PRORP: variants seen among roughly 807,000 people sequenced by gnomAD.
PRORP encodes protein only RNase P catalytic subunit.
Under a neutral mutation model 59.4 loss-of-function variants are expected in PRORP, and 51 were observed. The observed-to-expected ratio is 0.86, with a 90% CI of 0.69 to 1.08. The LOEUF (loss-of-function observed/expected upper bound fraction) is 1.08, where lower values mean the gene tolerates loss of function less well. Ranked by LOEUF, PRORP falls within the 50% of genes least tolerant of loss-of-function variation. The pLI is 0.00. For missense variants in PRORP, 646 were observed against 690.3 expected (o/e 0.94, Z 0.72); for synonymous variants, 231 against 245.6 (o/e 0.94, Z 0.55).
At position 35,133,462 on chromosome 14, in the gene PRORP, A is replaced by G. The variant is rs185503957; in HGVS notation, c.1167+5851A>G. On this transcript the variant is annotated intron_variant, in intron 4 of 7. Transcript: ENST00000534898. Reference sequence around the variant, plus strand: ...AGTTTACTCAGTAGAGCTATTTTGAATTCTCTGTCTGAAAGGTCACACATC... The same window carrying G: ...AGTTTACTCAGTAGAGCTATTTTGAGTTCTCTGTCTGAAAGGTCACACATC... Among the ~76,000 whole-genome samples, 287 of 152,148 alleles carry G rather than the reference A, an allele frequency of 1.9e-3. 1 individual carries two copies. The highest frequency in any genetic ancestry group is 0.01 in the Middle Eastern group (3 of 294).
chr14:35,186,670 G>T (rs2048751389), intron 5 of PRORP, among the ~76,000 whole-genome samples: 1 of 151,050 alleles, frequency 6.6e-6, no homozygotes, highest in Admixed American at 6.6e-5. Flanking sequence ...ATATCTCACT[G>T]CAGGCTTGAC....
intron 5 of PRORP, among the ~76,000 whole-genome samples, chr14:35,237,713 C>T (rs749504462): frequency 6.6e-6 from 1 of 152,158 alleles, no homozygotes; most frequent in Non-Finnish European, 1.5e-5. Context: ...GACTGGAGTA[C>T]AGTGGTGCTA....
chr14:35,239,130 C>T (rs1451852165), intron 5 of PRORP, among the ~76,000 whole-genome samples: 10 of 151,762 alleles, frequency 6.6e-5, no homozygotes, highest in African/African-American at 1.5e-4. Flanking sequence ...GCGAGGCGGG[C>T]GGATCTCTTG....
At chr14:35,202,923 G>A (rs891861138) in intron 5 of PRORP, among the ~76,000 whole-genome samples, 3 of 152,126 alleles carry the variant, frequency 2.0e-5, no homozygotes, top group African/African-American at 7.2e-5. Context: ...TGTGAGCCAG[G>A]GCACTTGGCC....
intron 5 of PRORP, among the ~76,000 whole-genome samples, chr14:35,234,238 G>C (rs895365387): frequency 1.3e-5 from 2 of 152,140 alleles, no homozygotes; most frequent in Non-Finnish European, 2.9e-5. Flanking sequence ...TGCAATTAGG[G>C]AATGTTTTCT....
chr14:35,203,190 A>G (rs2049201960), intron 5 of PRORP, among the ~76,000 whole-genome samples: 1 of 152,218 alleles, frequency 6.6e-6, no homozygotes, highest in African/African-American at 2.4e-5. Context: ...GATGCACTCA[A>G]AAGTTTTGAT....
intron 5 of PRORP, among the ~76,000 whole-genome samples, chr14:35,181,287 A>G (rs746287544): frequency 2.0e-5 from 3 of 152,158 alleles, no homozygotes; most frequent in Non-Finnish European, 2.9e-5. Context: ...TAATAAGACT[A>G]TCATTTTTCA....
At chr14:35,260,781 G>C (rs1242031714) in intron 5 of PRORP, among the ~76,000 whole-genome samples, 1 of 152,118 alleles carries the variant, frequency 6.6e-6, no homozygotes, top group African/African-American at 2.4e-5. Flanking sequence ...CCTTTTTGAA[G>C]GGTATTTAAC....
chr14:35,208,748 G>T (rs1204288812), intron 5 of PRORP, among the ~76,000 whole-genome samples: 3 of 152,170 alleles, frequency 2.0e-5, no homozygotes, highest in Non-Finnish European at 2.9e-5. Flanking sequence ...GCTCACACCT[G>T]TAATCCCAGT....
At chr14:35,175,292 G>T (rs936585708) in intron 4 of PRORP, among the ~76,000 whole-genome samples, 13 of 152,150 alleles carry the variant, frequency 8.5e-5, no homozygotes, top group Admixed American at 5.2e-4. Flanking sequence ...GGTATTTCTA[G>T]TTCTAGATCC....
chr14:35,166,448 CTTTT>C (rs55916577), intron 4 of PRORP, among the ~76,000 whole-genome samples: 31 of 96,030 alleles, frequency 3.2e-4, no homozygotes, highest in Admixed American at 5.9e-4. Flanking sequence ...TTATCTGAAT[CTTTT>C]TTTTTTTTTT....
intron 5 of PRORP, among the ~76,000 whole-genome samples, chr14:35,195,821 C>T (rs2048994831): frequency 6.6e-6 from 1 of 152,040 alleles, no homozygotes; most frequent in African/African-American, 2.4e-5. Flanking sequence ...ATACTTCTTT[C>T]ATTTTCAAAA....
intron 4 of PRORP, among the ~76,000 whole-genome samples, chr14:35,161,469 C>T (rs752637763): frequency 6.6e-5 from 10 of 152,116 alleles, no homozygotes; most frequent in Non-Finnish European, 1.5e-4. Context: ...GAGGGGATTT[C>T]CAGGGTGTGT....
Position 35,123,994 on chromosome 14 carries a change from G to A in PRORP, c.749G>A (p.Cys250Tyr). The change falls in exon 2 of 8, where the codon TGT becomes TAT. Residue 250 changes from cysteine (C) to tyrosine (Y), a missense_variant. By Grantham distance (194) the Cys-to-Tyr change is radical (BLOSUM62 -2). Coordinates refer to ENST00000534898, the MANE Select transcript of PRORP (RefSeq NM_014672.4). ...ITPSKKNYND[C>Y]IQGALLHQDV... is the part of the protein sequence containing the mutation. ...CCTTCAAAAAAGAACTATAATGACT[G>A]TATCCAGGGAGCTCTCCTTCATCAA... 4 of 1,614,010 alleles carry A rather than the reference G, an allele frequency of 2.5e-6. No individual in the cohort carries two copies. Among genetic ancestry groups the A allele is most frequent in the Non-Finnish European group, 3.4e-6 (4 of 1,179,966 alleles).
At chr14:35,163,092 C>T (rs1378786067) in intron 4 of PRORP, among the ~76,000 whole-genome samples, 1 of 152,002 alleles carries the variant, frequency 6.6e-6, no homozygotes. Flanking sequence ...CTGGCACTTT[C>T]TTTAATAAAC....
At chr14:35,210,987 G>A (rs1195071811) in intron 5 of PRORP, among the ~76,000 whole-genome samples, 1 of 151,594 alleles carries the variant, frequency 6.6e-6, no homozygotes, top group Non-Finnish European at 1.5e-5. Flanking sequence ...TGCCCAGGCT[G>A]GTCTTAAACT....
chr14:35,121,999 C>G (rs2046920920), upstream of PRORP: 2 of 1,611,442 alleles, frequency 1.2e-6, no homozygotes, highest in African/African-American at 2.7e-5. Context: ...TTGCTGTTTC[C>G]TACCTGCTCC....
intron 5 of PRORP, among the ~76,000 whole-genome samples, chr14:35,197,896 G>A (rs936822701): frequency 2.6e-5 from 4 of 152,198 alleles, no homozygotes; most frequent in African/African-American, 9.7e-5. Flanking sequence ...AAATGCATAT[G>A]GTGAAGTGCT....
At chr14:35,219,430 A>G (rs533687559) in intron 5 of PRORP, 1 of 152,376 alleles carries the variant, frequency 6.6e-6, no homozygotes, top group African/African-American at 2.4e-5. Flanking sequence ...AGATAGGCCT[A>G]TGGAGACATT....
Sources: allele counts gnomAD v4.1 joint callset (sites outside exome capture counted in the v4.1 genomes callset), GRCh38; gene constraint gnomAD v4.1.1; transcripts MANE v1.5; gene names NCBI Gene and HGNC (gene_info 2026-07-23, HGNC 2026-07-21).